The following TMEM179 variants were observed in gnomAD, a reference collection of about 807,000 sequenced individuals.
The protein encoded by TMEM179 is transmembrane protein 179A.
Under a neutral mutation model 22.2 loss-of-function variants are expected in TMEM179, and 17 were observed. The observed-to-expected ratio is 0.77, with a 90% confidence interval of 0.52 to 1.15. TMEM179 has a LOEUF of 1.15. Ranked by LOEUF, TMEM179 falls within the 50% of genes most tolerant of loss-of-function variation. The pLI is 0.00. For synonymous variants in TMEM179, 127 were observed against 140.5 expected (o/e 0.90, Z 0.68); for missense variants, 265 against 313.6 (o/e 0.84, Z 1.17).
intron 1 of TMEM179, among the ~76,000 whole-genome samples, chr14:104,602,762 T>A (rs758264877): frequency 6.6e-6 from 1 of 152,168 alleles, no homozygotes; most frequent in Non-Finnish European, 1.5e-5. Flanking sequence ...TTTGGGCCCA[T>A]GGCCCCACAG....
At chr14:104,594,969 T>A in intron 3 of TMEM179, 196 bp downstream of exon 3, 2 of 1,262,884 alleles carry the variant, frequency 1.6e-6, no homozygotes, top group Non-Finnish European at 2.0e-6. Flanking sequence ...CAAACCCACC[T>A]ACAAAAGCCC....
Position 104,595,028 on chromosome 14 carries a change from C to A in TMEM179, c.522+137G>T, listed in dbSNP as rs1409448876. 1.3e-6 allele frequency: 2 copies of A among 1,529,926 alleles called. No individual in the cohort carries two copies. Among genetic ancestry groups the A allele is most frequent in the Non-Finnish European group, 1.8e-6 (2 of 1,136,272 alleles). The allele number at this position is 1,529,926 out of a possible 1,614,324, so 94.8% of individuals were successfully genotyped here. ...AAGCCTTCCCGACTGCTCCCACTGC[C>A]TGGTCCCATTGCTAACTACCTTATC... On this transcript the variant is annotated intron_variant, in intron 3 of 3. Coordinates refer to ENST00000556573, the MANE Select transcript of TMEM179 (RefSeq NM_001286389.2). This position sits in a 1 kb window ranked among gnomAD's most constrained non-coding sequence, Gnocchi z 5.7.
In TMEM179 at chr14:104,593,433, A is replaced by G; in HGVS notation, c.*46T>C. 6.5e-7 allele frequency: 1 copy of G among 1,534,778 alleles called. No homozygotes were observed. On this transcript the variant is annotated 3_prime_UTR_variant, in exon 4 of 4. Coordinates refer to ENST00000556573, the MANE Select transcript of TMEM179 (RefSeq NM_001286389.2). ...TTCCCCAGGCAGGCCCGTGCCCCCG[A>G]GCGCAGCAGGGAGGTCGGGGCCAGC...
At chr14:104,594,693 C>T in intron 3 of TMEM179, 3 of 1,186,104 alleles carry the variant, frequency 2.5e-6, no homozygotes, top group Non-Finnish European at 2.1e-6. Flanking sequence ...TCTGAATTCA[C>T]AAGTGGGATC....
In TMEM179 at chr14:104,597,510, T is replaced by G. The variant is rs1887075212; in HGVS notation, c.306-383A>C. Among the ~76,000 whole-genome samples, 6 of 152,122 alleles carry G rather than the reference T, an allele frequency of 3.9e-5. No homozygotes were observed. The South Asian group carries it at 1.2e-3, about 32-fold the overall frequency. ...CCAGCAACTCTGGCCCAGGTGCTTGTGTCCCCCCAAATCCATATGTTCCAG... is the reference window on the plus strand; with the variant it reads ...CCAGCAACTCTGGCCCAGGTGCTTGGGTCCCCCCAAATCCATATGTTCCAG... On this transcript the variant is annotated intron_variant, in intron 1 of 3. Coordinates refer to ENST00000556573, the MANE Select transcript of TMEM179 (RefSeq NM_001286389.2). The surrounding 1 kb of genome is among the most constrained non-coding windows in gnomAD (Gnocchi z 4.8).
At position 104,593,081 on chromosome 14, in the gene TMEM179, T is replaced by G. The variant is rs1363635946; in HGVS notation, c.*398A>C. On this transcript the variant is annotated 3_prime_UTR_variant, in exon 4 of 4. Coordinates refer to ENST00000556573, the MANE Select transcript of TMEM179 (RefSeq NM_001286389.2). ...CATGCAGAATTCGTTCAGGGCTAAG[T>G]GACATCTGGCCACCCCTGGGCCAGC... is the stretch of plus-strand genomic sequence containing the variant. 6 of 235,532 alleles carry G rather than the reference T, an allele frequency of 2.5e-5. No individual in the cohort carries two copies. Among genetic ancestry groups the G allele is most frequent in the Non-Finnish European group, 5.0e-5 (6 of 120,732 alleles). 14.6% of individuals were successfully genotyped at this position (235,532 alleles called of 1,614,324 possible). A position where few individuals can be genotyped will look rare whatever the true frequency, so the allele number is the denominator to read the frequency against.
Position 104,602,183 on chromosome 14 carries a change from C to T in TMEM179, c.305+2254G>A, listed in dbSNP as rs539281244. Among the ~76,000 whole-genome samples the T allele has an allele frequency of 2.6e-5, 4 of 152,352 alleles. No individual in the cohort carries two copies. In the South Asian group the frequency reaches 8.3e-4, roughly 32 times the overall value. ...GTTACGGCATCCCTGGGCCTGCCGC[C>T]CAGTGTGTGCGAAATAGACCATACC... On this transcript the variant is annotated intron_variant, in intron 1 of 3. Transcript: ENST00000556573.
rs557603182 is a variant in TMEM179, at chr14:104,591,508, C to G, written c.*1971G>C. ...GGGGGCCTCGGATTCTGTCCAAACCCCTTCCCTCGAGGACCTGGCTGCCAG... is the reference window on the plus strand; with the variant it reads ...GGGGGCCTCGGATTCTGTCCAAACCGCTTCCCTCGAGGACCTGGCTGCCAG... On this transcript the variant is annotated 3_prime_UTR_variant, in exon 4 of 4. Coordinates refer to ENST00000556573, the MANE Select transcript of TMEM179 (RefSeq NM_001286389.2). 1 of 421,942 alleles carries G rather than the reference C, an allele frequency of 2.4e-6. No individual in the cohort carries two copies. Among genetic ancestry groups the G allele is most frequent in the Non-Finnish European group, 4.7e-6 (1 of 211,274 alleles). The allele number at this position is 421,942 out of a possible 1,614,324, so 26.1% of individuals were successfully genotyped here. A position where few individuals can be genotyped will look rare whatever the true frequency, so the allele number is the denominator to read the frequency against.
intron 1 of TMEM179, among the ~76,000 whole-genome samples, chr14:104,599,818 A>G (rs1254697785): frequency 6.6e-6 from 1 of 151,892 alleles, no homozygotes; most frequent in African/African-American, 2.4e-5. Context: ...GGTCTTTCAG[A>G]CCCTGAAAGA....
Position 104,604,181 on chromosome 14 carries a change from C to T in TMEM179, c.305+256G>A, listed in dbSNP as rs1323176948. Among the ~76,000 whole-genome samples the T allele has an allele frequency of 2.0e-5, 3 of 152,184 alleles. No homozygotes were observed. The highest frequency in any genetic ancestry group is 6.5e-5 in the Admixed American group (1 of 15,282). ...ATCTGCAACCCAAGGGAGCAGATGC[C>T]CGGAAGCGGGAGGTGATGCGCAGCT... is the stretch of plus-strand genomic sequence containing the variant. On this transcript the variant is annotated intron_variant, in intron 1 of 3. Transcript: ENST00000556573. The surrounding 1 kb of genome is among the most constrained non-coding windows in gnomAD (Gnocchi z 4.6).
At chr14:104,594,875 T>TC in intron 3 of TMEM179, 1 of 1,298,832 alleles carries the variant, frequency 7.7e-7, no homozygotes, top group South Asian at 2.0e-5. Flanking sequence ...TGGCACCACC[T>TC]CCCCCCACAC....
In TMEM179 at chr14:104,604,699, A is replaced by G; in HGVS notation, c.43T>C (p.Phe15Leu). Reference sequence around the variant, plus strand: ...ACGAAGCTGAACAGGAAGGCCAAGAAGTAGCAGGCGCACTGAGCGAAAAGG... The same window carrying G: ...ACGAAGCTGAACAGGAAGGCCAAGAGGTAGCAGGCGCACTGAGCGAAAAGG... ...NFLFAQCACY[F>L]LAFLFSFVVV... is the part of the protein sequence containing the mutation. Residue 15 changes from phenylalanine (F) to leucine (L), a missense_variant, in exon 1 of 4, where the codon TTC becomes CTC. Transcript: ENST00000556573. This position sits in a 1 kb window ranked among gnomAD's most constrained non-coding sequence, Gnocchi z 4.6. 1 of 1,594,612 alleles carries G rather than the reference A, an allele frequency of 6.3e-7. No homozygotes were observed. The highest frequency in any genetic ancestry group is 8.5e-7 in the Non-Finnish European group (1 of 1,172,110).
At chr14:104,593,749 G>A (rs974236348) in intron 3 of TMEM179, 91 bp from the exon 4 acceptor site, 4 of 1,379,816 alleles carry the variant, frequency 2.9e-6, no homozygotes, top group African/African-American at 2.9e-5. Flanking sequence ...CTGCTCTGCA[G>A]GGAAAGGACA....
chr14:104,595,273 G>T lies in TMEM179; in HGVS notation c.444-30C>A. On this transcript the variant is annotated intron_variant, in intron 2 of 3. Coordinates refer to ENST00000556573, the MANE Select transcript of TMEM179 (RefSeq NM_001286389.2). The surrounding 1 kb of genome is among the most constrained non-coding windows in gnomAD (Gnocchi z 5.7). ...AACAGCAGGACATAGGGTGGAGGGT[G>T]ACCACCAGGACAGCCAGTGCGGGAC... The T allele has an allele frequency of 6.3e-7, 1 of 1,594,302 alleles. No homozygotes were observed. The highest frequency in any genetic ancestry group is 1.1e-5 in the South Asian group (1 of 89,390).
At position 104,595,206 on chromosome 14, in the gene TMEM179, C is replaced by T. The variant is rs958141098; in HGVS notation, c.481G>A (p.Val161Met). 13 of 1,613,618 alleles carry T rather than the reference C, an allele frequency of 8.1e-6. No homozygotes were observed. The highest frequency in any genetic ancestry group is 6.8e-6 in the Non-Finnish European group (8 of 1,179,924). ...ELQDIDLELGVDNSAFYDQFA... is the reference protein window; with the variant it reads ...ELQDIDLELGMDNSAFYDQFA... ...TGATCGTAGAAGGCGGAGTTGTCCA[C>T]GCCCAGCTCCAAGTCGATGTCCTGG... is the stretch of plus-strand genomic sequence containing the variant. The change falls in exon 3 of 4, where the codon GTG becomes ATG. Residue 161 changes from valine to methionine, a missense_variant. Transcript: ENST00000556573. The surrounding 1 kb of genome is among the most constrained non-coding windows in gnomAD (Gnocchi z 5.7).
At chr14:104,601,365 TC>T (rs1887232528) in intron 1 of TMEM179, among the ~76,000 whole-genome samples, 1 of 152,142 alleles carries the variant, frequency 6.6e-6, no homozygotes, top group Non-Finnish European at 1.5e-5. Flanking sequence ...ATCTGGGGAC[TC>T]CTACGCACCA....
At chr14:104,603,697 G>A (rs1887321032) in intron 1 of TMEM179, among the ~76,000 whole-genome samples, 1 of 151,644 alleles carries the variant, frequency 6.6e-6, no homozygotes, top group Non-Finnish European at 1.5e-5. Flanking sequence ...AGAGGGAGTG[G>A]GAGGGTTCAC....
At chr14:104,598,139 G>C (rs1354451881) in intron 1 of TMEM179, among the ~76,000 whole-genome samples, 1 of 152,002 alleles carries the variant, frequency 6.6e-6, no homozygotes, top group African/African-American at 2.4e-5. Flanking sequence ...TCTCTGAATT[G>C]CTCCATCAAG....
Position 104,593,351 on chromosome 14 carries a change from G to T in TMEM179, c.*128C>A. The T allele has an allele frequency of 8.4e-7, 1 of 1,185,756 alleles. No homozygotes were observed. The highest frequency in any genetic ancestry group is 1.9e-4 in the Middle Eastern group (1 of 5,238). The allele number at this position is 1,185,756 out of a possible 1,614,324, so 73.5% of individuals were successfully genotyped here. A position where few individuals can be genotyped will look rare whatever the true frequency, so the allele number is the denominator to read the frequency against. Reference sequence around the variant, plus strand: ...CGCTCACCTCACTACACGTGGCGTCGAGGGGACACACGCAGGGCTGCATGT... The same window carrying T: ...CGCTCACCTCACTACACGTGGCGTCTAGGGGACACACGCAGGGCTGCATGT... On this transcript the variant is annotated 3_prime_UTR_variant, in exon 4 of 4. Coordinates refer to ENST00000556573, the MANE Select transcript of TMEM179 (RefSeq NM_001286389.2).
Sources: allele counts gnomAD v4.1 joint callset (sites outside exome capture counted in the v4.1 genomes callset), GRCh38; gene constraint gnomAD v4.1.1; non-coding constraint Gnocchi (gnomAD v3.1); transcripts MANE v1.5; gene names NCBI Gene and HGNC (gene_info 2026-07-23, HGNC 2026-07-21).